Variants in RNF6 observed in about 807,000 individuals in gnomAD.
RNF6 encodes the protein E3 ubiquitin-protein ligase RNF6.
A neutral mutation model predicts 50.1 loss-of-function variants in RNF6; 21 were observed. The observed-to-expected ratio is 0.42, with a 90% CI of 0.30 to 0.60. The LOEUF (loss-of-function observed/expected upper bound fraction) is 0.60, where lower values mean the gene tolerates loss of function less well. Among genes scored for constraint, RNF6 ranks in the 20% least tolerant of loss-of-function variants. RNF6 has a pLI of 0.20. For synonymous variants in RNF6, 255 were observed against 291.8 expected, an observed-to-expected ratio of 0.87 and a Z score of 1.29; for missense variants, 698 against 838.2, an observed-to-expected ratio of 0.83 and a Z score of 2.07.
At chr13:26,137,731 A>G (rs1043344776) in intron 5 of RNF6, among the ~76,000 whole-genome samples, 2 of 152,022 alleles carry the variant, frequency 1.3e-5, no homozygotes, top group African/African-American at 4.8e-5. Flanking sequence ...AGAGAGGCTC[A>G]AGAGAAGATT....
At chr13:26,164,857 G>C (rs1347973839) in intron 5 of RNF6, among the ~76,000 whole-genome samples, 1 of 152,130 alleles carries the variant, frequency 6.6e-6, no homozygotes, top group African/African-American at 2.4e-5. Context: ...AACAGAAGCA[G>C]AGCATAAAAG....
intron 5 of RNF6, among the ~76,000 whole-genome samples, chr13:26,184,010 ATATATATATTTTTTTTT>A (rs1224498648): frequency 6.2e-3 from 243 of 39,108 alleles, no homozygotes; most frequent in Non-Finnish European, 8.3e-3. Context: ...ATATATATAT[ATATATATATTTTTTTTT>A]TTTTTTTTTT....
Position 26,215,057 on chromosome 13 carries a change from A to C in RNF6, c.825T>G (p.Phe275Leu). 1.2e-6 allele frequency: 2 copies of C among 1,614,232 alleles called. No homozygotes were observed. Among genetic ancestry groups the C allele is most frequent in the Non-Finnish European group, 1.7e-6 (2 of 1,180,034 alleles). ...SELRQREGQRFGAAHVWENGA... is the reference protein window; with the variant it reads ...SELRQREGQRLGAAHVWENGA... ...CATTTTCCCAAACATGTGCTGCTCC[A>C]AACCGTTGCCCCTCCCTTTGCCTGA... The change falls in exon 5 of 5, where the codon TTT becomes TTG. Residue 275 changes from phenylalanine (F) to leucine (L), a missense_variant. Transcript: ENST00000381588.
Position 26,134,541 on chromosome 13 carries a change from T to G in RNF6, n.769-2090A>C, listed in dbSNP as rs146194587. 3.0e-3 allele frequency among the ~76,000 whole-genome samples: 464 copies of G among 152,288 alleles called. 2 individuals carry two copies. The highest frequency in any genetic ancestry group is 4.8e-3 in the Admixed American group (74 of 15,300). On this transcript the variant is annotated intron_variant and non_coding_transcript_variant, in intron 5 of 5. Coordinates refer to the RNF6 transcript ENST00000468480. ...CCATTGATCTTTCTGGGTTTCTGGCTTCTTCTGTCGAAGCCCCAGATGTAT... is the reference window on the plus strand; with the variant it reads ...CCATTGATCTTTCTGGGTTTCTGGCGTCTTCTGTCGAAGCCCCAGATGTAT...
intron 5 of RNF6, among the ~76,000 whole-genome samples, chr13:26,134,749 T>G (rs1870563353): frequency 3.9e-5 from 6 of 152,150 alleles, no homozygotes; most frequent in African/African-American, 1.2e-4. Context: ...CTACTCCATC[T>G]TCCCAGAAAT....
chr13:26,154,927 G>A (rs780526518), intron 5 of RNF6, among the ~76,000 whole-genome samples: 1 of 152,122 alleles, frequency 6.6e-6, no homozygotes, highest in South Asian at 2.1e-4. Context: ...TTACTCAGGA[G>A]GCTGAGGCAG....
At chr13:26,203,349 A>C (rs1240076389) in intron 5 of RNF6, among the ~76,000 whole-genome samples, 1 of 152,214 alleles carries the variant, frequency 6.6e-6, no homozygotes, top group African/African-American at 2.4e-5. Flanking sequence ...AGAAATAGAT[A>C]ATAGATTGCA....
rs549368060 is a variant in RNF6, at chr13:26,166,442, T to C, written n.769-33991A>G. 2.0e-5 allele frequency among the ~76,000 whole-genome samples: 3 copies of C among 152,292 alleles called. No homozygotes were observed. In the East Asian group the frequency reaches 5.8e-4, roughly 29 times the overall value. On this transcript the variant is annotated intron_variant and non_coding_transcript_variant, in intron 5 of 5. Transcript: ENST00000468480. Reference sequence around the variant, plus strand: ...CCTGTTTGCAGACAACGTGATTCTATATCTTGAAAAACCCATAGTCTCAGC... The same window carrying C: ...CCTGTTTGCAGACAACGTGATTCTACATCTTGAAAAACCCATAGTCTCAGC...
rs552561513 is a variant in RNF6, at chr13:26,198,417, TCTCATCCAAAAAACAC to T, written n.768+17041_768+17056del. 6.7e-3 allele frequency among the ~76,000 whole-genome samples: 1,019 copies of T among 151,968 alleles called. 12 individuals are homozygous for T. Among genetic ancestry groups the T allele is most frequent in the Non-Finnish European group, 0.011 (750 of 68,004 alleles). The stretch of plus-strand genomic sequence containing the variant: ...CAAAATCCACTGATTGAAATGCTAA[TCTCATCCAAAAAACAC>T]CTTCCCAGAAACATCCAGAATAATA... On this transcript the variant is annotated intron_variant and non_coding_transcript_variant, in intron 5 of 5. Transcript: ENST00000468480.
intron 5 of RNF6, among the ~76,000 whole-genome samples, chr13:26,145,909 T>G (rs969080016): frequency 1.3e-5 from 2 of 152,188 alleles, no homozygotes; most frequent in East Asian, 3.9e-4. Flanking sequence ...CAGCTGCTTG[T>G]GTATTCCAGA....
In RNF6 at chr13:26,134,885, T is replaced by G. The variant is rs560734094; in HGVS notation, n.769-2434A>C. Among the ~76,000 whole-genome samples the G allele has an allele frequency of 9.6e-4, 146 of 152,326 alleles. 4 individuals carry two copies. In the South Asian group the frequency reaches 0.028, roughly 29 times the overall value. ...TAAATAGACTACATATGTTTCTGTA[T>G]TATTTATATTATTTTTAAAAAGATG... On this transcript the variant is annotated intron_variant and non_coding_transcript_variant, in intron 5 of 5. Coordinates refer to the RNF6 transcript ENST00000468480.
chr13:26,156,458 G>A (rs1871931506), intron 5 of RNF6, among the ~76,000 whole-genome samples: 3 of 152,136 alleles, frequency 2.0e-5, no homozygotes, highest in African/African-American at 7.2e-5. Context: ...CCAAATAAAA[G>A]GATATTTAAA....
intron 5 of RNF6, among the ~76,000 whole-genome samples, chr13:26,159,943 A>G (rs1371733587): frequency 6.6e-6 from 1 of 152,174 alleles, no homozygotes; most frequent in Non-Finnish European, 1.5e-5. Context: ...AAAGAAGTCA[A>G]TTCCTTATAT....
chr13:26,150,048 G>GTATATA (rs71813042), intron 5 of RNF6, among the ~76,000 whole-genome samples: 2 of 84,110 alleles, frequency 2.4e-5, no homozygotes, highest in Non-Finnish European at 4.7e-5. Context: ...TATATAATGT[G>GTATATA]TATATATATA....
At chr13:26,177,095 T>C (rs539071233) in intron 5 of RNF6, among the ~76,000 whole-genome samples, 67 of 151,878 alleles carry the variant, frequency 4.4e-4, no homozygotes, top group Middle Eastern at 3.4e-3. Flanking sequence ...AAAGGCAAGG[T>C]AGGTTTCTGT....
intron 5 of RNF6, among the ~76,000 whole-genome samples, chr13:26,194,143 C>T (rs969514617): frequency 7.9e-5 from 12 of 152,052 alleles, no homozygotes; most frequent in African/African-American, 1.2e-4. Flanking sequence ...TAGATGAGAA[C>T]GGTCAATATA....
intron 5 of RNF6, among the ~76,000 whole-genome samples, chr13:26,172,103 A>C (rs1214273899): frequency 6.6e-6 from 1 of 152,228 alleles, no homozygotes; most frequent in African/African-American, 2.4e-5. Flanking sequence ...TATATAACTG[A>C]TATTATAACA....
intron 5 of RNF6, among the ~76,000 whole-genome samples, chr13:26,154,820 A>C (rs557102832): frequency 6.6e-6 from 1 of 152,214 alleles, no homozygotes; most frequent in Non-Finnish European, 1.5e-5. Flanking sequence ...ACTTGAGGTC[A>C]GGAGCTTGAG....
At chr13:26,193,234 G>A (rs559252907) in intron 5 of RNF6, among the ~76,000 whole-genome samples, 1 of 152,248 alleles carries the variant, frequency 6.6e-6, no homozygotes, top group East Asian at 1.9e-4. Context: ...CTAAAGCCAT[G>A]AAAGTTAATG....
Sources: allele counts gnomAD v4.1 joint callset (sites outside exome capture counted in the v4.1 genomes callset), GRCh38; gene constraint gnomAD v4.1.1; transcripts MANE v1.5; gene names NCBI Gene and HGNC (gene_info 2026-07-23, HGNC 2026-07-21).